Variants in POU4F3 observed in about 807,000 individuals in gnomAD.
POU4F3 encodes the protein POU class 4 homeobox 3.
Under a neutral mutation model 22.0 loss-of-function variants are expected in POU4F3, and 7 were observed. The observed-to-expected ratio is 0.32, with a 90% CI of 0.18 to 0.60. The LOEUF (loss-of-function observed/expected upper bound fraction) is 0.60, where lower values mean the gene tolerates loss of function less well. POU4F3 is among the 20% of genes least tolerant of loss of function. The probability of loss-of-function intolerance (pLI) is 0.85; values close to 1 mark genes in which losing one functional copy is unlikely to be tolerated. For missense variants in POU4F3, 457 were observed against 467.4 expected, an observed-to-expected ratio of 0.98 and a Z score of 0.21; for synonymous variants, 220 against 194.5, an observed-to-expected ratio of 1.13 and a Z score of -1.09.
In POU4F3 at chr5:146,339,968, G is replaced by A; in HGVS notation, c.541G>A (p.Glu181Lys). ...CATGCCTGCATGCCTCAGCGACGTGGAGTCAGACCCGCGCGAGCTGGAAGC... is the reference window on the plus strand; with the variant it reads ...CATGCCTGCATGCCTCAGCGACGTGAAGTCAGACCCGCGCGAGCTGGAAGC... ...SAMPACLSDV[E>K]SDPRELEAFA... Residue 181 changes from glutamate (E) to lysine (K), a missense_variant, in exon 2 of 2, where the codon GAG becomes AAG. Glu to Lys is a moderately conservative substitution (Grantham distance 56). Coordinates refer to ENST00000646991, the MANE Select transcript of POU4F3 (RefSeq NM_002700.3). This position sits in a 1 kb window ranked among gnomAD's most constrained non-coding sequence, Gnocchi z 4.7. 4.3e-6 allele frequency: 7 copies of A among 1,612,192 alleles called. No individual in the cohort carries two copies. Among genetic ancestry groups the A allele is most frequent in the Non-Finnish European group, 5.9e-6 (7 of 1,179,926 alleles).
In POU4F3 at chr5:146,339,165, A is replaced by C. The variant is rs1760410882; in HGVS notation, c.53A>C (p.Glu18Ala). Residue 18 changes from glutamate (E) to alanine (A), a missense_variant, in exon 1 of 2, where the codon GAA becomes GCA. Glu to Ala is a moderately radical substitution (Grantham distance 107). Coordinates refer to ENST00000646991, the MANE Select transcript of POU4F3 (RefSeq NM_002700.3). This position sits in a 1 kb window ranked among gnomAD's most constrained non-coding sequence, Gnocchi z 4.7. The stretch of plus-strand genomic sequence containing the variant: ...TTCGGCATGCACCCGGTGCTGCAAG[A>C]ACCCAAATTCTCCAGTCTGCACTCT... Reference protein sequence around the residue: ...QPFGMHPVLQEPKFSSLHSGS... With the variant: ...QPFGMHPVLQAPKFSSLHSGS... The C allele has an allele frequency of 6.2e-7, 1 of 1,614,192 alleles. No individual in the cohort carries two copies. The highest frequency in any genetic ancestry group is 8.5e-7 in the Non-Finnish European group (1 of 1,180,038).
In POU4F3 at chr5:146,340,549, G is replaced by A; in HGVS notation, c.*105G>A. 1 of 1,432,748 alleles carries A rather than the reference G, an allele frequency of 7.0e-7. No individual in the cohort carries two copies. Among genetic ancestry groups the A allele is most frequent in the South Asian group, 1.2e-5 (1 of 83,732 alleles). The allele number at this position is 1,432,748 out of a possible 1,614,324, so 88.8% of individuals were successfully genotyped here. A position where few individuals can be genotyped will look rare whatever the true frequency, so the allele number is the denominator to read the frequency against. ...TCCAAGGCGTTTCCTAGGCAGGTTA[G>A]GCTCTCTCCTCCGAAGCCACAGACT... On this transcript the variant is annotated 3_prime_UTR_variant, in exon 2 of 2. Coordinates refer to ENST00000646991, the MANE Select transcript of POU4F3 (RefSeq NM_002700.3).
rs550070261 is a variant in POU4F3, at chr5:146,339,329, T to C, written c.120+97T>C. The C allele has an allele frequency of 2.3e-5, 37 of 1,579,944 alleles. No individual in the cohort carries two copies. The East Asian group carries it at 7.8e-4, about 33-fold the overall frequency. On this transcript the variant is annotated intron_variant, in intron 1 of 1. Coordinates refer to ENST00000646991, the MANE Select transcript of POU4F3 (RefSeq NM_002700.3). The surrounding 1 kb of genome is among the most constrained non-coding windows in gnomAD (Gnocchi z 4.7). ...GTCGCCCAGAACAATCGCCGCTGTC[T>C]GAACCCCTCTCCTTGTCTCCCCCGC... is the stretch of plus-strand genomic sequence containing the variant.
chr5:146,338,867 T>G lies in POU4F3; in HGVS notation c.-246T>G, dbSNP rs1216594529. On this transcript the variant is annotated 5_prime_UTR_variant, in exon 1 of 2. Transcript: ENST00000646991. ...CGCAGAAAGGCGCGCCGCTAGCTGC[T>G]GTCTCTCCTCACCTCCCGGGCCGCC... 9.4e-6 allele frequency: 6 copies of G among 636,894 alleles called. No individual in the cohort carries two copies. The highest frequency in any genetic ancestry group is 5.7e-5 in the Admixed American group (2 of 34,872). 39.5% of individuals were successfully genotyped at this position (636,894 alleles called of 1,614,324 possible). A position where few individuals can be genotyped will look rare whatever the true frequency, so the allele number is the denominator to read the frequency against.
Position 146,339,034 on chromosome 5 carries a change from C to A in POU4F3, c.-79C>A, listed in dbSNP as rs563020230. On this transcript the variant is annotated 5_prime_UTR_variant, in exon 1 of 2. Coordinates refer to ENST00000646991, the MANE Select transcript of POU4F3 (RefSeq NM_002700.3). The surrounding 1 kb of genome is among the most constrained non-coding windows in gnomAD (Gnocchi z 4.7). ...CGAGGGGAGCGCGGGCGCTGAGCAG[C>A]GCTCACTTGGAGAGCGGCAAGCAAG... The A allele has an allele frequency of 1.5e-5, 24 of 1,587,590 alleles. No individual in the cohort carries two copies. Among genetic ancestry groups the A allele is most frequent in the Non-Finnish European group, 1.7e-5 (20 of 1,166,122 alleles).
chr5:146,339,367 C>T lies in POU4F3; in HGVS notation c.120+135C>T. The stretch of plus-strand genomic sequence containing the variant: ...TTGTCTCCCCCGCGTTCTCTCCCGG[C>T]GCGCTCTCTCTCTCATTCATGTCTC... On this transcript the variant is annotated intron_variant, in intron 1 of 1. Transcript: ENST00000646991. This position sits in a 1 kb window ranked among gnomAD's most constrained non-coding sequence, Gnocchi z 4.7. 2.6e-6 allele frequency: 4 copies of T among 1,512,832 alleles called. No homozygotes were observed. The highest frequency in any genetic ancestry group is 2.3e-5 in the East Asian group (1 of 44,210). The allele number at this position is 1,512,832 out of a possible 1,614,324, so 93.7% of individuals were successfully genotyped here.
In POU4F3 at chr5:146,340,532, G is replaced by A; in HGVS notation, c.*88G>A. On this transcript the variant is annotated 3_prime_UTR_variant, in exon 2 of 2. Coordinates refer to ENST00000646991, the MANE Select transcript of POU4F3 (RefSeq NM_002700.3). Reference sequence around the variant, plus strand: ...GGATGGTTATCGGGAACTCCAAGGCGTTTCCTAGGCAGGTTAGGCTCTCTC... The same window carrying A: ...GGATGGTTATCGGGAACTCCAAGGCATTTCCTAGGCAGGTTAGGCTCTCTC... 2.6e-6 allele frequency: 4 copies of A among 1,543,718 alleles called. No homozygotes were observed. Among genetic ancestry groups the A allele is most frequent in the South Asian group, 1.1e-5 (1 of 87,660 alleles).
rs1274805049 is a variant in POU4F3, at chr5:146,340,588, C to T, written c.*144C>T. 38 of 1,157,396 alleles carry T rather than the reference C, an allele frequency of 3.3e-5. No individual in the cohort carries two copies. The highest frequency in any genetic ancestry group is 4.6e-5 in the Non-Finnish European group (37 of 807,704). 71.7% of individuals were successfully genotyped at this position (1,157,396 alleles called of 1,614,324 possible). On this transcript the variant is annotated 3_prime_UTR_variant, in exon 2 of 2. Transcript: ENST00000646991. Reference sequence around the variant, plus strand: ...AAGCCACAGACTTTCCCCCTTTGTCCCGCCTGGTTGCCTCCGGCCTTCTCT... The same window carrying T: ...AAGCCACAGACTTTCCCCCTTTGTCTCGCCTGGTTGCCTCCGGCCTTCTCT...
chr5:146,339,439 T>C lies in POU4F3; in HGVS notation c.121-109T>C, dbSNP rs1210377523. On this transcript the variant is annotated intron_variant, in intron 1 of 1. Coordinates refer to ENST00000646991, the MANE Select transcript of POU4F3 (RefSeq NM_002700.3). This position sits in a 1 kb window ranked among gnomAD's most constrained non-coding sequence, Gnocchi z 4.7. ...CAGAGCCGCTGCCTCCGTATTAATT[T>C]TTATGACCTGGGCTTTGAGGAGAGG... The C allele has an allele frequency of 2.1e-5, 32 of 1,528,054 alleles. No individual in the cohort carries two copies. The South Asian group carries it at 2.7e-4, about 13-fold the overall frequency. 94.7% of individuals were successfully genotyped at this position (1,528,054 alleles called of 1,614,324 possible).
rs1760415703 is a variant in POU4F3 at position 146,339,381 on chromosome 5, C to G, written c.120+149C>G. Reference sequence around the variant, plus strand: ...TTCTCTCCCGGCGCGCTCTCTCTCTCATTCATGTCTCTGATCCACACGTCT... The same window carrying G: ...TTCTCTCCCGGCGCGCTCTCTCTCTGATTCATGTCTCTGATCCACACGTCT... On this transcript the variant is annotated intron_variant, in intron 1 of 1. Transcript: ENST00000646991. This position sits in a 1 kb window ranked among gnomAD's most constrained non-coding sequence, Gnocchi z 4.7. The G allele has an allele frequency of 6.7e-7, 1 of 1,490,710 alleles. No homozygotes were observed. Among genetic ancestry groups the G allele is most frequent in the African/African-American group, 1.4e-5 (1 of 72,386 alleles). The allele number at this position is 1,490,710 out of a possible 1,614,324, so 92.3% of individuals were successfully genotyped here.
rs1011235352 is a variant in POU4F3, at chr5:146,339,204, T to C, written c.92T>C (p.Met31Thr). The C allele has an allele frequency of 6.2e-7, 1 of 1,614,232 alleles. No individual in the cohort carries two copies. The highest frequency in any genetic ancestry group is 8.5e-7 in the Non-Finnish European group (1 of 1,180,030). The stretch of plus-strand genomic sequence containing the variant: ...AGTCTGCACTCTGGCTCCGAGGCCA[T>C]GCGCCGAGTCTGTCTCCCAGCCCCG... ...FSSLHSGSEAMRRVCLPAPQL... is the reference protein window; with the variant it reads ...FSSLHSGSEATRRVCLPAPQL... Residue 31 changes from methionine to threonine, a missense_variant, in exon 1 of 2, where the codon ATG (methionine) becomes ACG (threonine). Physicochemically the swap from Met to Thr is moderately conservative, Grantham distance 81. Coordinates refer to ENST00000646991, the MANE Select transcript of POU4F3 (RefSeq NM_002700.3). The surrounding 1 kb of genome is among the most constrained non-coding windows in gnomAD (Gnocchi z 4.7).
Position 146,339,388 on chromosome 5 carries a change from G to A in POU4F3, c.120+156G>A. The A allele has an allele frequency of 6.7e-7, 1 of 1,488,564 alleles. No homozygotes were observed. The highest frequency in any genetic ancestry group is 2.3e-5 in the East Asian group (1 of 43,876). The allele number at this position is 1,488,564 out of a possible 1,614,324, so 92.2% of individuals were successfully genotyped here. On this transcript the variant is annotated intron_variant, in intron 1 of 1. Coordinates refer to ENST00000646991, the MANE Select transcript of POU4F3 (RefSeq NM_002700.3). This position sits in a 1 kb window ranked among gnomAD's most constrained non-coding sequence, Gnocchi z 4.7. ...CCGGCGCGCTCTCTCTCTCATTCATGTCTCTGATCCACACGTCTGTTCCAG... is the reference window on the plus strand; with the variant it reads ...CCGGCGCGCTCTCTCTCTCATTCATATCTCTGATCCACACGTCTGTTCCAG...
chr5:146,339,981 G>T lies in POU4F3; in HGVS notation c.554G>T (p.Arg185Leu). The T allele has an allele frequency of 3.1e-6, 5 of 1,612,590 alleles. No homozygotes were observed. The highest frequency in any genetic ancestry group is 1.1e-5 in the South Asian group (1 of 91,058). Residue 185 changes from arginine to leucine, a missense_variant, in exon 2 of 2, where the codon CGC becomes CTC. By Grantham distance (102) the Arg-to-Leu change is moderately radical. This residue lies in a region of POU4F3 where 410 missense variants were observed against 385.0 expected (regional missense o/e 1.06). Transcript: ENST00000646991. The surrounding 1 kb of genome is among the most constrained non-coding windows in gnomAD (Gnocchi z 4.7). ...CTCAGCGACGTGGAGTCAGACCCGC[G>T]CGAGCTGGAAGCCTTCGCCGAGCGC... ...ACLSDVESDPRELEAFAERFK... is the reference protein window; with the variant it reads ...ACLSDVESDPLELEAFAERFK...
At position 146,340,155 on chromosome 5, in the gene POU4F3, C is replaced by G; in HGVS notation, c.728C>G (p.Ala243Gly). 1 of 1,614,202 alleles carries G rather than the reference C, an allele frequency of 6.2e-7. No individual in the cohort carries two copies. Among genetic ancestry groups the G allele is most frequent in the Non-Finnish European group, 8.5e-7 (1 of 1,180,034 alleles). The change falls in exon 2 of 2, where the codon GCT (alanine) becomes GGT (glycine). Residue 243 changes from alanine (A) to glycine (G), a missense_variant. By Grantham distance (60) the Ala-to-Gly change is moderately conservative. Around this residue, in one of 2 missense-constraint regions of POU4F3, gnomAD observed 410 missense variants for 385.0 expected, o/e 1.06. Coordinates refer to ENST00000646991, the MANE Select transcript of POU4F3 (RefSeq NM_002700.3). ...ACTCTCTCGCACAACAACATGATCGCTCTCAAGCCGGTGCTCCAGGCCTGG... is the reference window on the plus strand; with the variant it reads ...ACTCTCTCGCACAACAACATGATCGGTCTCAAGCCGGTGCTCCAGGCCTGG... ...SLTLSHNNMI[A>G]LKPVLQAWLE...
chr5:146,340,239 G>T lies in POU4F3; in HGVS notation c.812G>T (p.Gly271Val). 6.2e-7 allele frequency: 1 copy of T among 1,614,138 alleles called. No individual in the cohort carries two copies. Among genetic ancestry groups the T allele is most frequent in the Non-Finnish European group, 8.5e-7 (1 of 1,180,028 alleles). ...EKNSKPELFN[G>V]SERKRKRTSI... ...AACAGCAAGCCAGAGCTCTTCAACG[G>T]CAGCGAACGGAAGCGCAAACGCACG... The change falls in exon 2 of 2, where the codon GGC becomes GTC. Residue 271 changes from glycine to valine, a missense_variant. Transcript: ENST00000646991.
Position 146,340,693 on chromosome 5 carries a change from C to A in POU4F3, c.*249C>A. On this transcript the variant is annotated 3_prime_UTR_variant, in exon 2 of 2. Transcript: ENST00000646991. ...AAGGGCGGGCCTGAGTGTACTTGTG[C>A]TGTCCGTGGTGCTGAAATTTGCCCT... 1 of 562,964 alleles carries A rather than the reference C, an allele frequency of 1.8e-6. No homozygotes were observed. The highest frequency in any genetic ancestry group is 3.1e-5 in the East Asian group (1 of 31,830). 34.9% of individuals were successfully genotyped at this position (562,964 alleles called of 1,614,324 possible). A position where few individuals can be genotyped will look rare whatever the true frequency, so the allele number is the denominator to read the frequency against.
rs112660471 is a variant in POU4F3 at position 146,340,763 on chromosome 5, G to A, written c.*319G>A. The A allele has an allele frequency of 7.9e-4, 353 of 447,094 alleles. No homozygotes were observed. Among genetic ancestry groups the A allele is most frequent in the African/African-American group, 6.4e-3 (324 of 50,606 alleles). The allele number at this position is 447,094 out of a possible 1,614,324, so 27.7% of individuals were successfully genotyped here. On this transcript the variant is annotated 3_prime_UTR_variant, in exon 2 of 2. Coordinates refer to ENST00000646991, the MANE Select transcript of POU4F3 (RefSeq NM_002700.3). ...TTCAGAGCAGGAGCCCCAAAGCAGA[G>A]GACAGTCAATTGGCCCAACCGCCCG... is the stretch of plus-strand genomic sequence containing the variant.
At position 146,340,184 on chromosome 5, in the gene POU4F3, G is replaced by A. The variant is rs1415647997; in HGVS notation, c.757G>A (p.Glu253Lys). The change falls in exon 2 of 2, where the codon GAG (glutamate) becomes AAG (lysine). Residue 253 changes from glutamate (E) to lysine (K), a missense_variant. Glu to Lys is a moderately conservative substitution (Grantham distance 56, BLOSUM62 1). This residue lies in a region of POU4F3 where 410 missense variants were observed against 385.0 expected (regional missense o/e 1.06). Transcript: ENST00000646991. Reference protein sequence around the residue: ...ALKPVLQAWLEEAEAAYREKN... With the variant: ...ALKPVLQAWLKEAEAAYREKN... Reference sequence around the variant, plus strand: ...CAAGCCGGTGCTCCAGGCCTGGTTGGAGGAGGCCGAGGCCGCCTACCGAGA... The same window carrying A: ...CAAGCCGGTGCTCCAGGCCTGGTTGAAGGAGGCCGAGGCCGCCTACCGAGA... 6.2e-7 allele frequency: 1 copy of A among 1,614,158 alleles called. No homozygotes were observed. The highest frequency in any genetic ancestry group is 8.5e-7 in the Non-Finnish European group (1 of 1,180,034).
rs1479523290 is a variant in POU4F3, at chr5:146,339,743, C to A, written c.316C>A (p.His106Asn). The change falls in exon 2 of 2, where the codon CAC becomes AAC. Residue 106 changes from histidine (H) to asparagine (N), a missense_variant. Transcript: ENST00000646991. This position sits in a 1 kb window ranked among gnomAD's most constrained non-coding sequence, Gnocchi z 4.7. ...CTCCCACCCAGCTGCGCTCACCTCA[C>A]ACCCTCACCACGCCGTGCACCAGGG... is the stretch of plus-strand genomic sequence containing the variant. ...PISHPAALTS[H>N]PHHAVHQGLE... The A allele has an allele frequency of 8.7e-6, 14 of 1,613,976 alleles. No homozygotes were observed. Among genetic ancestry groups the A allele is most frequent in the Non-Finnish European group, 1.1e-5 (13 of 1,180,038 alleles).
Sources: allele counts gnomAD v4.1 joint callset, GRCh38; gene constraint gnomAD v4.1.1; regional missense constraint gnomAD v4.1.1; non-coding constraint Gnocchi (gnomAD v3.1); transcripts MANE v1.5; gene names NCBI Gene and HGNC (gene_info 2026-07-23, HGNC 2026-07-21).